The following PPP1R9A variants were observed in gnomAD, a reference collection of about 807,000 sequenced individuals.
The protein encoded by PPP1R9A is protein phosphatase 1 regulatory subunit 9A, also known as neurabin-1.
PPP1R9A carries 59 observed loss-of-function variants against 141.9 expected under a neutral mutation model. The ratio of observed to expected loss-of-function variants is 0.42; its 90% CI spans 0.34 to 0.52. The LOEUF (loss-of-function observed/expected upper bound fraction) is 0.52, where lower values mean the gene tolerates loss of function less well. PPP1R9A is among the 20% of genes least tolerant of loss of function. PPP1R9A has a pLI of 0.10. For missense variants in PPP1R9A, 1,444 were observed against 1,611.9 expected, an observed-to-expected ratio of 0.90 and a Z score of 1.78; for synonymous variants, 500 against 569.7, an observed-to-expected ratio of 0.88 and a Z score of 1.74.
chr7:95,179,939 G>C (rs942733264), intron 5 of PPP1R9A, among the ~76,000 whole-genome samples: 2 of 152,132 alleles, frequency 1.3e-5, no homozygotes, highest in African/African-American at 4.8e-5. Flanking sequence ...TTGTGAAAAT[G>C]ACCATACTGA....
chr7:95,263,661 C>T (rs1167214588), intron 12 of PPP1R9A, among the ~76,000 whole-genome samples: 1 of 152,148 alleles, frequency 6.6e-6, no homozygotes, highest in East Asian at 1.9e-4. Context: ...CTGCCCACCT[C>T]GGCCTCCCAA....
intron 2 of PPP1R9A, among the ~76,000 whole-genome samples, chr7:95,052,844 T>A (rs546913307): frequency 1.3e-5 from 2 of 152,306 alleles, no homozygotes; most frequent in South Asian, 4.1e-4. Flanking sequence ...ATGTGTCCGG[T>A]CAGTTGCCAA....
At chr7:94,978,096 G>GA (rs1352099055) in intron 2 of PPP1R9A, among the ~76,000 whole-genome samples, 1 of 152,148 alleles carries the variant, frequency 6.6e-6, no homozygotes, top group African/African-American at 2.4e-5. Flanking sequence ...ATATGAAGGG[G>GA]ATAAAGTGAG....
intron 2 of PPP1R9A, among the ~76,000 whole-genome samples, chr7:95,077,224 A>G (rs6651106): frequency 0.33 from 50,114 of 151,848 alleles, 9,675 homozygotes; most frequent in Non-Finnish European, 0.44. Context: ...TTTGTTTCTA[A>G]TAATCACTTT....
chr7:95,262,444 T>A (rs1800576360), intron 12 of PPP1R9A, among the ~76,000 whole-genome samples: 1 of 152,192 alleles, frequency 6.6e-6, no homozygotes, highest in African/African-American at 2.4e-5. Flanking sequence ...TCCATATCCT[T>A]TCATAGTCTA....
intron 5 of PPP1R9A, chr7:95,176,495 A>T (rs1390924914): frequency 1.3e-5 from 2 of 153,182 alleles, no homozygotes; most frequent in Non-Finnish European, 2.9e-5. Flanking sequence ...TAGCTCACCA[A>T]CAGTGGATCC....
chr7:94,932,839 C>T (rs970038414), intron 2 of PPP1R9A, among the ~76,000 whole-genome samples: 1 of 148,984 alleles, frequency 6.7e-6, no homozygotes, highest in African/African-American at 2.5e-5. Flanking sequence ...TGCATTCTCC[C>T]GTGTGACTGC....
At chr7:95,095,507 A>G (rs1584660753) in intron 2 of PPP1R9A, among the ~76,000 whole-genome samples, 1 of 152,220 alleles carries the variant, frequency 6.6e-6, no homozygotes, top group African/African-American at 2.4e-5. Context: ...TGTTTCCTGT[A>G]AAGGATTTCC....
rs375387353 is a variant in PPP1R9A at position 94,965,305 on chromosome 7, C to T, written c.1395+53797C>T. Among the ~76,000 whole-genome samples, 221 of 152,184 alleles carry T rather than the reference C, an allele frequency of 1.5e-3. No homozygotes were observed. In the Middle Eastern group the frequency reaches 0.02, roughly 14 times the overall value. On this transcript the variant is annotated intron_variant, in intron 2 of 19. Coordinates refer to ENST00000433360, the MANE Select transcript of PPP1R9A (RefSeq NM_001166160.2). ...TCTGGTAATAGTTTCTTTTGCTGTG[C>T]AGAAGCTCTTTAATTTAATTAGGTC... is the stretch of plus-strand genomic sequence containing the variant.
chr7:95,288,465 C>A, intron 18 of PPP1R9A, 71 bp from the exon 19 acceptor site: 2 of 1,536,550 alleles, frequency 1.3e-6, no homozygotes, highest in South Asian at 2.6e-5. Flanking sequence ...TTAAGAAATT[C>A]CTTTTGATAG....
At chr7:95,230,337 A>G (rs1004263387) in intron 8 of PPP1R9A, among the ~76,000 whole-genome samples, 3 of 152,186 alleles carry the variant, frequency 2.0e-5, no homozygotes, top group African/African-American at 7.2e-5. Context: ...CCAGAAAAAT[A>G]TTTTAGAAGG....
At chr7:95,218,656 A>G (rs1793893528) in intron 7 of PPP1R9A, among the ~76,000 whole-genome samples, 1 of 152,224 alleles carries the variant, frequency 6.6e-6, no homozygotes, top group Admixed American at 6.5e-5. Flanking sequence ...GTGCTCCTGT[A>G]TTGGGTGCAT....
chr7:95,011,630 C>G (rs1459612163), intron 2 of PPP1R9A, among the ~76,000 whole-genome samples: 2 of 152,304 alleles, frequency 1.3e-5, no homozygotes, highest in South Asian at 2.1e-4. Context: ...AAAAACTACT[C>G]TACTGGAGAG....
chr7:94,996,150 A>T (rs1490520925), intron 2 of PPP1R9A, among the ~76,000 whole-genome samples: 1 of 152,090 alleles, frequency 6.6e-6, no homozygotes, highest in Non-Finnish European at 1.5e-5. Flanking sequence ...TTGACCTCTA[A>T]CTTATGCTAT....
At chr7:94,955,120 T>C (rs1796946679) in intron 2 of PPP1R9A, among the ~76,000 whole-genome samples, 1 of 152,058 alleles carries the variant, frequency 6.6e-6, no homozygotes. Context: ...TCATGTATCA[T>C]AGATTTTCCT....
Position 95,094,474 on chromosome 7 carries a change from C to T in PPP1R9A, c.1396-16785C>T, listed in dbSNP as rs1188710057. Among the ~76,000 whole-genome samples the T allele has an allele frequency of 4.6e-5, 7 of 152,244 alleles. No homozygotes were observed. In the South Asian group the frequency reaches 1.0e-3, roughly 23 times the overall value. On this transcript the variant is annotated intron_variant, in intron 2 of 19. Transcript: ENST00000433360. The stretch of plus-strand genomic sequence containing the variant: ...ACCCACAGTGATGTGATTAGAGCCA[C>T]GCTTTAGGAATGGCACCTAGATGTG...
intron 7 of PPP1R9A, among the ~76,000 whole-genome samples, chr7:95,204,635 A>ATG (rs894609392): frequency 1.2e-4 from 17 of 142,708 alleles, no homozygotes; most frequent in African/African-American, 4.2e-4. Context: ...CACACCACAC[A>ATG]TACCCATGCA....
intron 2 of PPP1R9A, among the ~76,000 whole-genome samples, chr7:95,056,270 G>A (rs914302228): frequency 2.6e-5 from 4 of 152,104 alleles, no homozygotes; most frequent in Admixed American, 6.5e-5. Flanking sequence ...AATGACAAAA[G>A]TTCAGTGAAT....
chr7:95,186,238 C>T (rs986029275), intron 5 of PPP1R9A, among the ~76,000 whole-genome samples: 3 of 150,934 alleles, frequency 2.0e-5, no homozygotes, highest in African/African-American at 2.4e-5. Flanking sequence ...AGAGATCTTT[C>T]GAAACTCCCT....
Sources: gnomAD v4.1 joint callset for allele counts (sites outside exome capture counted in the v4.1 genomes callset) on GRCh38, gnomAD v4.1.1 for gene constraint, MANE v1.5 for transcripts, NCBI Gene and HGNC (gene_info 2026-07-23, HGNC 2026-07-21) for gene names.